The following VPS41 variants were observed in gnomAD, a reference collection of about 807,000 sequenced individuals.
VPS41 encodes the protein VPS41 subunit of HOPS complex, also known as vacuolar protein sorting-associated protein 41 homolog.
A neutral mutation model predicts 130.9 loss-of-function variants in VPS41; 85 were observed. The ratio of observed to expected loss-of-function variants is 0.65; its 90% confidence interval spans 0.55 to 0.78. VPS41 has a LOEUF of 0.78. Among genes scored for constraint, VPS41 ranks in the 30% least tolerant of loss-of-function variants. VPS41 has a pLI of 0.00. For missense variants in VPS41, 874 were observed against 1,018.7 expected, an observed-to-expected ratio of 0.86 and a Z score of 1.93; for synonymous variants, 335 against 332.9, an observed-to-expected ratio of 1.01 and a Z score of -0.07.
intron 1 of VPS41, among the ~76,000 whole-genome samples, chr7:38,902,909 G>A (rs1787175883): frequency 6.6e-6 from 1 of 152,160 alleles, no homozygotes; most frequent in Admixed American, 6.5e-5. Flanking sequence ...TGTCCTACAA[G>A]TTCTCATTTT....
At chr7:38,767,654 G>A (rs1424728947) in intron 14 of VPS41, 56 bp from the exon 15 acceptor site, 12 of 1,376,044 alleles carry the variant, frequency 8.7e-6, no homozygotes, top group Non-Finnish European at 1.2e-5. Context: ...CTGAAAAGTT[G>A]AGTCTCGGTT....
At chr7:38,743,313 A>C in intron 24 of VPS41, 89 bp downstream of exon 24, 1 of 1,475,026 alleles carries the variant, frequency 6.8e-7, no homozygotes, top group East Asian at 2.3e-5. Flanking sequence ...TTCTTAACCC[A>C]ATGTATCTTG....
intron 4 of VPS41, among the ~76,000 whole-genome samples, chr7:38,851,840 A>T (rs1361597460): frequency 6.6e-6 from 1 of 152,200 alleles, no homozygotes; most frequent in African/African-American, 2.4e-5. Context: ...TTGTAATTTT[A>T]GCCATTCTAA....
chr7:38,860,955 CA>C (rs34778938), intron 4 of VPS41, among the ~76,000 whole-genome samples: 1 of 151,288 alleles, frequency 6.6e-6, no homozygotes, highest in African/African-American at 2.4e-5. Context: ...CCTCCCTTGC[CA>C]AAAAAAGGTG....
rs1785838604 is a variant in VPS41 at position 38,850,859 on chromosome 7, A to C, written c.246+11686T>G. Among the ~76,000 whole-genome samples, 5 of 152,222 alleles carry C rather than the reference A, an allele frequency of 3.3e-5. No homozygotes were observed. In the South Asian group the frequency reaches 1.0e-3, roughly 31 times the overall value. ...TAAATTCCCATTTTCTAGAAATCTA[A>C]GTGGCAATGAATTTTCAAATAACAA... On this transcript the variant is annotated intron_variant, in intron 4 of 28. Coordinates refer to ENST00000310301, the MANE Select transcript of VPS41 (RefSeq NM_014396.4).
chr7:38,773,067 C>A (rs961209383), intron 12 of VPS41, among the ~76,000 whole-genome samples: 2 of 152,136 alleles, frequency 1.3e-5, no homozygotes, highest in East Asian at 1.9e-4. Flanking sequence ...TGGCCATTTA[C>A]AGCATTGTTC....
At chr7:38,737,106 T>C (rs1245885848) in intron 25 of VPS41, among the ~76,000 whole-genome samples, 2 of 152,154 alleles carry the variant, frequency 1.3e-5, no homozygotes, top group Non-Finnish European at 2.9e-5. Context: ...CCAGGCGCGG[T>C]GGCTCACACC....
chr7:38,844,403 A>C (rs1438323487), intron 4 of VPS41, among the ~76,000 whole-genome samples: 3 of 152,250 alleles, frequency 2.0e-5, no homozygotes, highest in African/African-American at 7.2e-5. Context: ...GAAAAAACTA[A>C]ATTTGTTAGG....
At chr7:38,893,886 C>T (rs7784609) in intron 2 of VPS41, among the ~76,000 whole-genome samples, 141,986 of 152,318 alleles carry the variant, frequency 0.93, 66,332 homozygotes, top group East Asian at 1. Flanking sequence ...GAAAAACATA[C>T]GGCCAGTTTT....
intron 25 of VPS41, among the ~76,000 whole-genome samples, chr7:38,741,603 G>A (rs1274332871): frequency 3.1e-4 from 47 of 152,090 alleles, no homozygotes; most frequent in Non-Finnish European, 1.8e-4. Flanking sequence ...TCCCTCAAAC[G>A]GATACAATAC....
intron 5 of VPS41, among the ~76,000 whole-genome samples, chr7:38,825,134 A>G (rs1785245242): frequency 6.6e-6 from 1 of 152,232 alleles, no homozygotes; most frequent in Non-Finnish European, 1.5e-5. Context: ...CAAAAATGTC[A>G]CTGTCATACC....
At chr7:38,751,309 C>G (rs1018791680) in intron 22 of VPS41, among the ~76,000 whole-genome samples, 4 of 152,298 alleles carry the variant, frequency 2.6e-5, no homozygotes, top group African/African-American at 9.6e-5. Flanking sequence ...GTCCACACAG[C>G]TGACTTTCAA....
chr7:38,882,665 G>C (rs1310619920), intron 2 of VPS41, among the ~76,000 whole-genome samples: 1 of 152,146 alleles, frequency 6.6e-6, no homozygotes, highest in Non-Finnish European at 1.5e-5. Context: ...TCTAGCCAGA[G>C]TCCTCCCCTA....
At chr7:38,754,589 G>C (rs1256836839) in intron 21 of VPS41, 113 bp downstream of exon 21, 2 of 817,098 alleles carry the variant, frequency 2.4e-6, no homozygotes, top group Non-Finnish European at 3.9e-6. Context: ...CCTCCAACTG[G>C]AATATTAACC....
At chr7:38,870,994 T>C (rs1786345615) in intron 2 of VPS41, among the ~76,000 whole-genome samples, 1 of 150,046 alleles carries the variant, frequency 6.7e-6, no homozygotes, top group African/African-American at 2.5e-5. Flanking sequence ...GGAAGGAAAA[T>C]ATGTAAAGGA....
chr7:38,892,590 T>A (rs1786890337), intron 2 of VPS41, among the ~76,000 whole-genome samples: 1 of 152,142 alleles, frequency 6.6e-6, no homozygotes, highest in Non-Finnish European at 1.5e-5. Context: ...AAAATAAAAT[T>A]CCAGAAATTA....
intron 7 of VPS41, among the ~76,000 whole-genome samples, chr7:38,812,132 A>T (rs895450616): frequency 6.6e-6 from 1 of 152,130 alleles, no homozygotes; most frequent in African/African-American, 2.4e-5. Flanking sequence ...TTTGTAGTTC[A>T]TCTGCCATCC....
At chr7:38,873,612 G>A (rs1384550591) in intron 2 of VPS41, among the ~76,000 whole-genome samples, 3 of 152,140 alleles carry the variant, frequency 2.0e-5, no homozygotes, top group African/African-American at 7.2e-5. Context: ...GCGTTTCTAT[G>A]ACAACCTAGT....
At chr7:38,797,461 A>T (rs1305217962) in intron 7 of VPS41, among the ~76,000 whole-genome samples, 2 of 152,202 alleles carry the variant, frequency 1.3e-5, no homozygotes, top group African/African-American at 4.8e-5. Context: ...CTGCTGGATA[A>T]ATTTTAATAT....
Sources: allele counts gnomAD v4.1 joint callset (sites outside exome capture counted in the v4.1 genomes callset), GRCh38; gene constraint gnomAD v4.1.1; transcripts MANE v1.5; gene names NCBI Gene and HGNC (gene_info 2026-07-23, HGNC 2026-07-21).